The following SCO2 variants were observed in gnomAD, a reference collection of about 807,000 sequenced individuals.
The protein encoded by SCO2 is synthesis of cytochrome C oxidase 2, also known as cytochrome c oxidase assembly factor SCO2.
For synonymous variants in SCO2, 195 were observed against 148.6 expected (o/e 1.31, Z -2.27); for missense variants, 429 against 348.7 (o/e 1.23, Z -1.83).
At chr22:50,524,684 C>G (rs887133213) in intron 1 of SCO2, 1 of 671,774 alleles carries the variant, frequency 1.5e-6, no homozygotes, top group East Asian at 3.0e-5. Context: ...TGCACCTCAG[C>G]AAGGTGAACC....
At chr22:50,526,155 G>GGCTGAGAGGC (rs1569522078), upstream of SCO2, 1 of 1,476,312 alleles carries the variant, frequency 6.8e-7, no homozygotes, top group African/African-American at 1.5e-5. Flanking sequence ...CGGGGAGAGG[G>GGCTGAGAGGC]GCTGAGAGGC....
In SCO2 at chr22:50,524,011, G is replaced by T. The variant is rs375058715; in HGVS notation, c.401C>A (p.Pro134His). ...CTCCAGCTCGTCTGGGCAGATGTCA[G>T]GGCAGTGAGTGAAGCCAAAGTACAT... Reference protein sequence around the residue: ...VLMYFGFTHCPDICPDELEKL... With the variant: ...VLMYFGFTHCHDICPDELEKL... The change falls in exon 2 of 2, where the codon CCT (proline) becomes CAT (histidine). Residue 134 changes from proline (P) to histidine (H), a missense_variant. Physicochemically the swap from Pro to His is moderately conservative, Grantham distance 77 (BLOSUM62 -2). Coordinates refer to ENST00000395693, the MANE Select transcript of SCO2 (RefSeq NM_005138.3). The T allele has an allele frequency of 3.0e-5, 48 of 1,613,294 alleles. No homozygotes were observed. The highest frequency in any genetic ancestry group is 4.0e-5 in the African/African-American group (3 of 74,748).
At chr22:50,525,852 T>A, upstream of SCO2, 1 of 1,604,834 alleles carries the variant, frequency 6.2e-7, no homozygotes, top group Non-Finnish European at 8.5e-7. Context: ...GAGCGCCTCC[T>A]GCAGGGCGCG....
At chr22:50,526,420 G>T, upstream of SCO2, 1 of 1,509,310 alleles carries the variant, frequency 6.6e-7, no homozygotes, top group African/African-American at 1.4e-5. Flanking sequence ...GCGGCCACCC[G>T]GGCAGCGCCC....
chr22:50,525,440 A>ACCT (rs2069304534), intron 1 of SCO2, 32 bp downstream of exon 1: 1 of 400,672 alleles, frequency 2.5e-6, no homozygotes, highest in Admixed American at 4.4e-5. Flanking sequence ...CCTCAGGGCT[A>ACCT]CCTCCTCCCC....
chr22:50,524,513 C>A, intron 1 of SCO2, 89 bp from the exon 2 acceptor site: 1 of 1,197,322 alleles, frequency 8.4e-7, no homozygotes, highest in Non-Finnish European at 1.2e-6. Context: ...AGCCACCCAT[C>A]TGAAGGACCC....
Position 50,525,555 on chromosome 22 carries a change from AG to A in SCO2, c.-98del, listed in dbSNP as rs1420725032. On this transcript the variant is annotated 5_prime_UTR_variant, in exon 1 of 2. Coordinates refer to ENST00000395693, the MANE Select transcript of SCO2 (RefSeq NM_005138.3). ...TCCCTGCGCTCTGCCCCGCCGGCTC[AG>A]GGAAAGCGGGCGCCACACGCTCACA... 5.8e-6 allele frequency: 4 copies of A among 684,238 alleles called. No homozygotes were observed. The highest frequency in any genetic ancestry group is 9.6e-6 in the Non-Finnish European group (4 of 415,458). 42.4% of individuals were successfully genotyped at this position (684,238 alleles called of 1,614,324 possible).
upstream of SCO2, chr22:50,525,674 G>C: frequency 6.5e-7 from 1 of 1,529,584 alleles, no homozygotes; most frequent in East Asian, 2.4e-5. Context: ...GGAGCCCGCC[G>C]GGGGTCACGT....
rs117369815 is a variant in SCO2 at position 50,524,625 on chromosome 22, T to A, written c.-13-201A>T. 43 of 706,818 alleles carry A rather than the reference T, an allele frequency of 6.1e-5. No homozygotes were observed. In the East Asian group the frequency reaches 1.2e-3, roughly 19 times the overall value. 43.8% of individuals were successfully genotyped at this position (706,818 alleles called of 1,614,324 possible). A position where few individuals can be genotyped will look rare whatever the true frequency, so the allele number is the denominator to read the frequency against. On this transcript the variant is annotated intron_variant, in intron 1 of 1. Coordinates refer to ENST00000395693, the MANE Select transcript of SCO2 (RefSeq NM_005138.3). ...CCTGGGCAACCACACCTGTCACTCC[T>A]GTCCTCTACCTGGGATCACCAGCCT...
chr22:50,524,860 C>T (rs2069266493), intron 1 of SCO2: 2 of 361,272 alleles, frequency 5.5e-6, no homozygotes, highest in African/African-American at 2.1e-5. Context: ...GCCACTTCAA[C>T]CAACCGCGGC....
intron 1 of SCO2, chr22:50,524,905 C>T (rs530811546): frequency 5.7e-6 from 1 of 176,110 alleles, no homozygotes; most frequent in African/African-American, 2.6e-5. Flanking sequence ...ACCTGCACGA[C>T]CTACCCCCGG....
At chr22:50,525,614 G>T, upstream of SCO2, 2 of 1,164,982 alleles carry the variant, frequency 1.7e-6, no homozygotes, top group Non-Finnish European at 2.5e-6. Flanking sequence ...AGCTGCGCAT[G>T]CGCACACGGG....
At chr22:50,524,538 C>T (rs1291806873) in intron 1 of SCO2, 114 bp from the exon 2 acceptor site, 1 of 945,014 alleles carries the variant, frequency 1.1e-6, no homozygotes. Flanking sequence ...CACGTTCAGG[C>T]TTAACAGGCA....
chr22:50,524,873 T>G, intron 1 of SCO2: 1 of 353,666 alleles, frequency 2.8e-6, no homozygotes, highest in Non-Finnish European at 5.6e-6. Flanking sequence ...ACCGCGGCCT[T>G]CCTCCACACT....
intron 1 of SCO2, 116 bp from the exon 2 acceptor site, chr22:50,524,540 TA>T: frequency 1.1e-6 from 1 of 927,002 alleles, no homozygotes; most frequent in Non-Finnish European, 1.7e-6. Context: ...CGTTCAGGCT[TA>T]ACAGGCATTT....
In SCO2 at chr22:50,523,927, G is replaced by C; in HGVS notation, c.485C>G (p.Pro162Arg). Reference protein sequence around the residue: ...EAEPGLPPVQPVFITVDPERD... With the variant: ...EAEPGLPPVQRVFITVDPERD... ...CTCGGGGTCCACAGTGATGAAGACA[G>C]GCTGCACTGGAGGCAAACCAGGCTC... The change falls in exon 2 of 2, where the codon CCT becomes CGT. Residue 162 changes from proline (P) to arginine (R), a missense_variant. Coordinates refer to ENST00000395693, the MANE Select transcript of SCO2 (RefSeq NM_005138.3). The C allele has an allele frequency of 6.2e-7, 1 of 1,613,084 alleles. No homozygotes were observed. Among genetic ancestry groups the C allele is most frequent in the Non-Finnish European group, 8.5e-7 (1 of 1,179,432 alleles).
intron 1 of SCO2, 28 bp downstream of exon 1, chr22:50,525,444 C>G: frequency 2.4e-6 from 1 of 420,918 alleles, no homozygotes; most frequent in South Asian, 2.4e-5. Context: ...AGGGCTACCT[C>G]CTCCCCTCCC....
At chr22:50,524,734 G>A (rs2069258435) in intron 1 of SCO2, 1 of 571,216 alleles carries the variant, frequency 1.8e-6, no homozygotes, top group South Asian at 1.5e-5. Context: ...TGCCTTGCCT[G>A]AACTAACCAC....
upstream of SCO2, chr22:50,525,787 G>A (rs3202236): frequency 4.3e-6 from 7 of 1,610,828 alleles, no homozygotes; most frequent in South Asian, 6.6e-5. Flanking sequence ...TGCGGCGGCA[G>A]AACGAGCTCT....
Sources: gnomAD v4.1 joint callset for allele counts on GRCh38, gnomAD v4.1.1 for gene constraint, MANE v1.5 for transcripts, NCBI Gene and HGNC (gene_info 2026-07-23, HGNC 2026-07-21) for gene names.